Variants in HYDIN observed in about 807,000 individuals in gnomAD.
HYDIN encodes the protein axonemal central pair apparatus protein HYDIN.
HYDIN carries 132 observed loss-of-function variants against 403.9 expected under a neutral mutation model. The observed-to-expected ratio is 0.33, with a 90% CI of 0.28 to 0.38. The LOEUF (loss-of-function observed/expected upper bound fraction) is 0.38. Among genes scored for constraint, HYDIN ranks in the 10% least tolerant of loss-of-function variants. HYDIN has a pLI of 1.00. For missense variants in HYDIN, 2,827 were observed against 5,009.5 expected (o/e 0.56, Z 13.15); for synonymous variants, 1,202 against 1,891.7 (o/e 0.64, Z 9.46).
intron 64 of HYDIN, among the ~76,000 whole-genome samples, chr16:70,872,899 T>A (rs1309637705): frequency 1.4e-5 from 2 of 144,530 alleles, no homozygotes; most frequent in African/African-American, 5.2e-5. Flanking sequence ...AATTCATCTA[T>A]CATCTACCTA....
chr16:71,071,414 A>G (rs940978113), intron 13 of HYDIN, among the ~76,000 whole-genome samples: 12 of 151,942 alleles, frequency 7.9e-5, no homozygotes, highest in African/African-American at 2.9e-4. Flanking sequence ...ATACTATTCT[A>G]TCTACAGTTC....
chr16:71,023,317 G>A (rs1291582007), intron 21 of HYDIN, among the ~76,000 whole-genome samples: 39 of 151,594 alleles, frequency 2.6e-4, no homozygotes, highest in Admixed American at 2.4e-3. Context: ...ATTAAGCCAA[G>A]CCATGGATAT....
chr16:70,851,139 A>T (rs2038612184), intron 73 of HYDIN, among the ~76,000 whole-genome samples: 2 of 148,470 alleles, frequency 1.3e-5, no homozygotes, highest in Non-Finnish European at 3.0e-5. Context: ...AGAATTTATG[A>T]CTGAGTCTTC....
chr16:71,210,373 C>T (rs1024970783), intron 1 of HYDIN, among the ~76,000 whole-genome samples: 8 of 152,118 alleles, frequency 5.3e-5, no homozygotes, highest in East Asian at 1.9e-4. Flanking sequence ...ATGGATGGAA[C>T]GTTAGACCAT....
At chr16:71,049,946 GA>G (rs1165959899) in intron 18 of HYDIN, among the ~76,000 whole-genome samples, 1 of 145,300 alleles carries the variant, frequency 6.9e-6, no homozygotes, top group African/African-American at 2.5e-5. Flanking sequence ...ATATATATGA[GA>G]AGTAAAATAA....
At chr16:71,202,824 G>GT (rs1354216589) in intron 1 of HYDIN, among the ~76,000 whole-genome samples, 1 of 152,120 alleles carries the variant, frequency 6.6e-6, no homozygotes, top group Non-Finnish European at 1.5e-5. Flanking sequence ...GCTATCCAGT[G>GT]TAATTCCCTC....
intron 18 of HYDIN, among the ~76,000 whole-genome samples, chr16:71,032,404 T>C (rs4788506): frequency 0.025 from 2,941 of 116,494 alleles, no homozygotes; most frequent in African/African-American, 0.051. Flanking sequence ...TTCATTAATA[T>C]AATATAAGAA....
intron 53 of HYDIN, among the ~76,000 whole-genome samples, chr16:70,896,390 T>A (rs2076203679): frequency 6.6e-6 from 1 of 152,068 alleles, no homozygotes; most frequent in Non-Finnish European, 1.5e-5. Flanking sequence ...TCTCACTCTG[T>A]CACCCAGGCT....
At chr16:70,998,957 G>A (rs2079615858) in intron 23 of HYDIN, among the ~76,000 whole-genome samples, 1 of 152,160 alleles carries the variant, frequency 6.6e-6, no homozygotes. Context: ...CTAAAGACAT[G>A]TCTCTATTAT....
intron 10 of HYDIN, among the ~76,000 whole-genome samples, chr16:71,110,407 TATA>T (rs2083775779): frequency 7.1e-6 from 1 of 140,658 alleles, no homozygotes; most frequent in African/African-American, 2.6e-5. Context: ...TATATTTATA[TATA>T]ATATATTTAT....
intron 7 of HYDIN, among the ~76,000 whole-genome samples, chr16:71,138,795 T>C (rs908526933): frequency 1.3e-5 from 2 of 152,138 alleles, no homozygotes; most frequent in African/African-American, 4.8e-5. Flanking sequence ...CAAAGAACTA[T>C]GCCTTCTGCT....
chr16:71,067,080 C>T (rs2082296648), intron 15 of HYDIN: 4 of 610,828 alleles, frequency 6.5e-6, no homozygotes, highest in African/African-American at 5.5e-5. Flanking sequence ...CTAAACTCTA[C>T]AAAACACACA....
intron 42 of HYDIN, 120 bp downstream of exon 42, chr16:70,943,692 A>ACAGCC (rs2077751510): frequency 7.3e-7 from 1 of 1,371,930 alleles, no homozygotes; most frequent in Non-Finnish European, 9.6e-7. Flanking sequence ...CAAGCAAACG[A>ACAGCC]CTGCCTTCCG....
intron 14 of HYDIN, among the ~76,000 whole-genome samples, chr16:71,068,366 A>G (rs1330986988): frequency 6.6e-6 from 1 of 151,936 alleles, no homozygotes; most frequent in Non-Finnish European, 1.5e-5. Flanking sequence ...GCTGAAGTGC[A>G]GATCAGGAGG....
At chr16:71,214,897 A>G (rs190171620) in intron 1 of HYDIN, among the ~76,000 whole-genome samples, 2 of 152,128 alleles carry the variant, frequency 1.3e-5, no homozygotes, top group East Asian at 3.9e-4. Context: ...ATAAACTACC[A>G]ACACTCAAGT....
intron 21 of HYDIN, among the ~76,000 whole-genome samples, chr16:71,024,405 A>C (rs2080613326): frequency 6.6e-6 from 1 of 151,958 alleles, no homozygotes; most frequent in South Asian, 2.1e-4. Flanking sequence ...TGCTCAAGAA[A>C]GTCATTCATG....
At chr16:71,213,878 G>A (rs1018127245) in intron 1 of HYDIN, among the ~76,000 whole-genome samples, 3 of 151,880 alleles carry the variant, frequency 2.0e-5, no homozygotes, top group Non-Finnish European at 4.4e-5. Context: ...TCAAGAACAA[G>A]ATCCTTATCT....
intron 18 of HYDIN, among the ~76,000 whole-genome samples, chr16:71,043,693 T>C (rs1450311006): frequency 1.3e-5 from 2 of 152,080 alleles, no homozygotes; most frequent in African/African-American, 4.8e-5. Flanking sequence ...TCTTCTTGTA[T>C]TGTATTTATT....
At chr16:70,894,401 T>C (rs1169761677) in intron 55 of HYDIN, 48 bp downstream of exon 55, 1 of 1,611,486 alleles carries the variant, frequency 6.2e-7, no homozygotes, top group Admixed American at 1.7e-5. Flanking sequence ...CCCACATTCC[T>C]CCCCACGGCG....
Sources: allele counts gnomAD v4.1 joint callset (sites outside exome capture counted in the v4.1 genomes callset), GRCh38; gene constraint gnomAD v4.1.1; transcripts MANE v1.5; gene names NCBI Gene and HGNC (gene_info 2026-07-23, HGNC 2026-07-21).